The following MXRA5 variants were observed in gnomAD, a reference collection of about 807,000 sequenced individuals.
MXRA5 encodes matrix remodeling associated 5.
In MXRA5, 41 loss-of-function variants were observed where a neutral mutation model predicts 112.5. The ratio of observed to expected loss-of-function variants is 0.36; its 90% CI spans 0.28 to 0.47. The LOEUF is 0.47. Ranked by LOEUF, MXRA5 falls within the 20% of genes least tolerant of loss-of-function variation. The pLI, the probability that MXRA5 is intolerant of heterozygous loss-of-function variation, is 0.99. For missense variants in MXRA5, 2,150 were observed against 2,251.0 expected (o/e 0.96, Z 0.91); for synonymous variants, 862 against 900.8 (o/e 0.96, Z 0.77).
chrX:3,342,132 C>T (rs769171934), intron 2 of MXRA5, among the ~76,000 whole-genome samples: 1 of 110,379 alleles, frequency 9.1e-6, no homozygotes, highest in African/African-American at 3.3e-5. Flanking sequence ...AGCGAACTAA[C>T]AAGGGAAAGA....
In MXRA5 at chrX:3,311,544, A is replaced by G. The variant is rs1415460106; in HGVS notation, c.6659T>C (p.Leu2220Pro). 42 of 1,210,483 alleles carry G rather than the reference A, an allele frequency of 3.5e-5. No individual in the cohort carries two copies. The highest frequency in any genetic ancestry group is 4.5e-5 in the Non-Finnish European group (40 of 895,406). ...ACCAACCTTATTTCGAGCTACGCAC[A>G]GGTAATCTCCGGCATCTTTGTCCGT... is the stretch of plus-strand genomic sequence containing the variant. ...SVTDKDAGDYLCVARNKVGDD... is the reference protein window; with the variant it reads ...SVTDKDAGDYPCVARNKVGDD... The change falls in exon 7 of 7, where the codon CTG becomes CCG. Residue 2220 changes from leucine to proline, a missense_variant. Leu to Pro is a moderately conservative substitution (Grantham distance 98, BLOSUM62 -3). This residue lies in a region of MXRA5 where 1,485 missense variants were observed against 1,471.6 expected (regional missense o/e 1.01). Transcript: ENST00000217939.
chrX:3,320,606 G>T lies in MXRA5; in HGVS notation c.5079C>A (p.Asp1693Glu), dbSNP rs146888977. ...ACACTTTGGAGTAGCCATTGAATTG[G>T]TCAGTTCTTCGGTCAGTAAACTTAC... is the stretch of plus-strand genomic sequence containing the variant. ...IPSKFTDRRT[D>E]QFNGYSKVFG... Residue 1693 changes from aspartate to glutamate, a missense_variant, in exon 5 of 7, where the codon GAC (aspartate) becomes GAA (glutamate). Asp to Glu is a conservative substitution (Grantham distance 45, BLOSUM62 2). Transcript: ENST00000217939. The T allele has an allele frequency of 9.1e-6, 11 of 1,210,273 alleles. No homozygotes were observed. The African/African-American group carries it at 1.6e-4, about 17-fold the overall frequency.
Position 3,333,013 on chromosome X carries a change from A to G in MXRA5, c.189-2240T>C, listed in dbSNP as rs371617582. Among the ~76,000 whole-genome samples the G allele has an allele frequency of 6.3e-5, 7 of 111,093 alleles. No individual in the cohort carries two copies. The East Asian group carries it at 1.4e-3, about 22-fold the overall frequency. On this transcript the variant is annotated intron_variant, in intron 2 of 6. Transcript: ENST00000217939. The stretch of plus-strand genomic sequence containing the variant: ...CACAGCAGAAACTGAGTTTCAAGAA[A>G]GTTTCCAGGCTGGGCATGGCAGCTC...
chrX:3,333,865 T>C (rs1921725525), intron 2 of MXRA5, among the ~76,000 whole-genome samples: 1 of 111,808 alleles, frequency 8.9e-6, no homozygotes, highest in Non-Finnish European at 1.9e-5. Context: ...CTCAGCAGTT[T>C]CCTGCAGAGT....
At chrX:3,327,078 TG>T (rs1921530104) in intron 4 of MXRA5, among the ~76,000 whole-genome samples, 1 of 111,345 alleles carries the variant, frequency 9.0e-6, no homozygotes, top group South Asian at 3.8e-4. Context: ...CTGGGGAAAC[TG>T]GAAGACTAGG....
chrX:3,339,480 A>G (rs1921865683), intron 2 of MXRA5, among the ~76,000 whole-genome samples: 2 of 109,982 alleles, frequency 1.8e-5, no homozygotes, highest in Non-Finnish European at 3.8e-5. Flanking sequence ...GTTAGCCAGG[A>G]TGGTCTCGAT....
Position 3,343,874 on chromosome X carries a change from A to G in MXRA5, c.-28-13T>C, listed in dbSNP as rs775623937. 8.6e-7 allele frequency: 1 copy of G among 1,168,312 alleles called. No individual in the cohort carries two copies. The highest frequency in any genetic ancestry group is 1.2e-6 in the Non-Finnish European group (1 of 867,028). ...GATTCTCGGATACCTGAGGTAGAAC[A>G]ACGAAGAGATGAGCTTATTCACAGG... On this transcript the variant is annotated splice_polypyrimidine_tract_variant and intron_variant, in intron 1 of 6. Transcript: ENST00000217939.
intron 2 of MXRA5, among the ~76,000 whole-genome samples, chrX:3,335,850 T>A (rs1208142739): frequency 8.9e-6 from 1 of 112,475 alleles, no homozygotes. Context: ...AATGAAGCTC[T>A]GACACAGGCT....
rs1197849707 is a variant in MXRA5 at position 3,321,192 on chromosome X, G to A, written c.4493C>T (p.Thr1498Ile). The stretch of plus-strand genomic sequence containing the variant: ...GGTTTGTCCCAAAGACATGAGAATT[G>A]TGGATGGGGACGAGGATGCTGGCTC... Reference protein sequence around the residue: ...MKEPASSSPSTILMSLGQTTT... With the variant: ...MKEPASSSPSIILMSLGQTTT... The change falls in exon 5 of 7, where the codon ACA (threonine) becomes ATA (isoleucine). Residue 1498 changes from threonine to isoleucine, a missense_variant. Thr to Ile is a moderately conservative substitution (Grantham distance 89). Around this residue, in one of 6 missense-constraint regions of MXRA5, gnomAD observed 1,485 missense variants for 1,471.6 expected, o/e 1.01. Transcript: ENST00000217939. 3 of 1,209,823 alleles carry A rather than the reference G, an allele frequency of 2.5e-6. No homozygotes were observed. The highest frequency in any genetic ancestry group is 2.2e-5 in the Admixed American group (1 of 45,733).
rs774395850 is a variant in MXRA5, at chrX:3,310,781, C to T, written c.7422G>A (p.Pro2474=). 1.7e-6 allele frequency: 2 copies of T among 1,204,284 alleles called. No individual in the cohort carries two copies. The highest frequency in any genetic ancestry group is 3.0e-5 in the East Asian group (1 of 33,579). The stretch of plus-strand genomic sequence containing the variant: ...CCTCGGGAAAAGCCCATAACACCCT[C>T]GGGGTGGGGATGCCTTCAGCTTTGC... The part of the protein sequence containing the change: ...IDCKAEGIPT[P]RVLWAFPEGV... The change falls in exon 7 of 7, where the codon CCG becomes CCA. Residue 2474 remains proline, a synonymous_variant. Coordinates refer to ENST00000217939, the MANE Select transcript of MXRA5 (RefSeq NM_015419.4).
At chrX:3,312,723 G>A (rs755736975) in intron 6 of MXRA5, among the ~76,000 whole-genome samples, 1 of 71,749 alleles carries the variant, frequency 1.4e-5, no homozygotes, top group South Asian at 7.9e-4. Flanking sequence ...CAATATGCCT[G>A]GATGGAGTTT....
In MXRA5 at chrX:3,324,542, T is replaced by C. The variant is rs1921408318; in HGVS notation, c.1143A>G (p.Ile381Met). 1.7e-6 allele frequency: 2 copies of C among 1,209,575 alleles called. No individual in the cohort carries two copies. Among genetic ancestry groups the C allele is most frequent in the African/African-American group, 3.5e-5 (2 of 57,078 alleles). Residue 381 changes from isoleucine to methionine, a missense_variant, in exon 5 of 7, where the codon ATA (isoleucine) becomes ATG (methionine). By Grantham distance (10) the Ile-to-Met change is conservative. Around this residue, in one of 6 missense-constraint regions of MXRA5, gnomAD observed 386 missense variants for 411.0 expected, o/e 0.94. Coordinates refer to ENST00000217939, the MANE Select transcript of MXRA5 (RefSeq NM_015419.4). ...RENYEKLWKL[I>M]AYYSEVPVKL... ...TCACGGGAACTTCACTGTAGTATGC[T>C]ATCAATTTCCATAGCTTTTCATAGT...
chrX:3,326,046 AATATATTTAT>A lies in MXRA5; in HGVS notation c.710-1081_710-1072del, dbSNP rs1158673479. On this transcript the variant is annotated intron_variant, in intron 4 of 6. Transcript: ENST00000217939. ...TATTTTATATATAAATTTATATATA[AATATATTTAT>A]ATATATTTATACATAAATACATTTA... is the stretch of plus-strand genomic sequence containing the variant. Among the ~76,000 whole-genome samples the A allele has an allele frequency of 2.1e-4, 15 of 69,972 alleles. No individual in the cohort carries two copies. The East Asian group carries it at 6.1e-3, about 28-fold the overall frequency. 60.8% of individuals were successfully genotyped at this position (69,972 alleles called of 115,157 possible).
intron 2 of MXRA5, among the ~76,000 whole-genome samples, chrX:3,334,261 T>A (rs1921735833): frequency 8.9e-6 from 1 of 111,921 alleles, no homozygotes; most frequent in South Asian, 3.7e-4. Flanking sequence ...GGATTACAGA[T>A]GTCAGCCACC....
At chrX:3,341,103 A>T (rs369443260) in intron 2 of MXRA5, among the ~76,000 whole-genome samples, 3 of 9,526 alleles carry the variant, frequency 3.1e-4, no homozygotes, top group Non-Finnish European at 1.3e-3. Context: ...TGTTATACAT[A>T]ATATAATATA....
chrX:3,322,384 C>T lies in MXRA5; in HGVS notation c.3301G>A (p.Gly1101Ser), dbSNP rs766522203. 1 of 1,211,295 alleles carries T rather than the reference C, an allele frequency of 8.3e-7. No homozygotes were observed. Among genetic ancestry groups the T allele is most frequent in the East Asian group, 3.0e-5 (1 of 33,827 alleles). Residue 1101 changes from glycine to serine, a missense_variant, in exon 5 of 7, where the codon GGT (glycine) becomes AGT (serine). Coordinates refer to ENST00000217939, the MANE Select transcript of MXRA5 (RefSeq NM_015419.4). ...KSITLPDSTL[G>S]IMSSMSPVKK... ...ACTGGAGACATACTGCTCATTATAC[C>T]CAGTGTGGAGTCAGGCAAAGTGATG...
Position 3,323,096 on chromosome X carries a change from C to T in MXRA5, c.2589G>A (p.Met863Ile), listed in dbSNP as rs759170586. Residue 863 changes from methionine to isoleucine, a missense_variant, in exon 5 of 7, where the codon ATG becomes ATA. Met to Ile is a conservative substitution (Grantham distance 10). Coordinates refer to ENST00000217939, the MANE Select transcript of MXRA5 (RefSeq NM_015419.4). The stretch of plus-strand genomic sequence containing the variant: ...CTCCATTGTGGTTGTGTTCTAGCCC[C>T]ATGCTGGCTGAGGAAATGGTACCCA... ...HVLGTISSAS[M>I]GLEHNHNGVI... The T allele has an allele frequency of 8.3e-7, 1 of 1,211,723 alleles. No individual in the cohort carries two copies. The highest frequency in any genetic ancestry group is 1.8e-5 in the South Asian group (1 of 56,988).
intron 5 of MXRA5, among the ~76,000 whole-genome samples, chrX:3,318,757 A>G (rs1226623592): frequency 6.2e-5 from 7 of 112,249 alleles, no homozygotes; most frequent in African/African-American, 2.3e-4. Flanking sequence ...AGTGCTATTC[A>G]CAATAGCCAA....
At chrX:3,329,871 G>A in intron 4 of MXRA5, 147 bp downstream of exon 4, 1 of 671,727 alleles carries the variant, frequency 1.5e-6, no homozygotes, top group Non-Finnish European at 2.2e-6. Context: ...TAAAGTCTGA[G>A]TTCCTGTCTA....
Sources: gnomAD v4.1 joint callset for allele counts (sites outside exome capture counted in the v4.1 genomes callset) on GRCh38, gnomAD v4.1.1 for gene constraint, gnomAD v4.1.1 regional missense constraint, MANE v1.5 for transcripts, NCBI Gene and HGNC (gene_info 2026-07-23, HGNC 2026-07-21) for gene names.